Variants in FKBP5 observed in about 807,000 individuals in gnomAD.
FKBP5 encodes FKBP prolyl isomerase 5.
FKBP5 carries 23 observed loss-of-function variants against 50.5 expected under a neutral mutation model. That is an observed-to-expected ratio of 0.46 (90% confidence interval 0.33 to 0.65). FKBP5 has a LOEUF of 0.65. FKBP5 is among the 30% of genes least tolerant of loss of function. The pLI, the probability that FKBP5 is intolerant of heterozygous loss-of-function variation, is 0.02. For synonymous variants in FKBP5, 176 were observed against 190.6 expected (o/e 0.92, Z 0.63); for missense variants, 411 against 553.1 (o/e 0.74, Z 2.58).
At chr6:35,696,957 A>G (rs1766090891) in intron 2 of FKBP5, among the ~76,000 whole-genome samples, 1 of 152,188 alleles carries the variant, frequency 6.6e-6, no homozygotes, top group African/African-American at 2.4e-5. Context: ...GAATATGGAG[A>G]AACTGGAATT....
intron 2 of FKBP5, among the ~76,000 whole-genome samples, chr6:35,638,957 CA>C (rs1764401794): frequency 4.6e-5 from 7 of 152,050 alleles, no homozygotes; most frequent in Admixed American, 3.3e-4. Flanking sequence ...ACCAGAGAGT[CA>C]GAGAGCCATC....
In FKBP5 at chr6:35,575,269, C is replaced by T. The variant is rs1762176918; in HGVS notation, c.*566G>A. 6.5e-6 allele frequency: 1 copy of T among 152,676 alleles called. No homozygotes were observed. Among genetic ancestry groups the T allele is most frequent in the African/African-American group, 2.4e-5 (1 of 41,422 alleles). The allele number at this position is 152,676 out of a possible 1,614,324, so 9.5% of individuals were successfully genotyped here. On this transcript the variant is annotated 3_prime_UTR_variant, in exon 11 of 11. Transcript: ENST00000357266. ...AAGTGGCCTCTGAGGTTCTGGCTTT[C>T]ACGTCTGTGACACTGCTGTGGAACT...
At chr6:35,650,295 T>C (rs1368514529) in intron 1 of FKBP5, among the ~76,000 whole-genome samples, 2 of 114,030 alleles carry the variant, frequency 1.8e-5, no homozygotes, top group African/African-American at 6.4e-5. Flanking sequence ...AGCAAGATAT[T>C]GTCCAAAAAA....
At chr6:35,726,536 CCACACACACACACACACACACA>C (rs10599241) in intron 1 of FKBP5, among the ~76,000 whole-genome samples, 139 of 139,446 alleles carry the variant, frequency 1.0e-3, no homozygotes, top group African/African-American at 3.3e-3. Flanking sequence ...TCCTCCTCCT[CCACACACACACACACACACACA>C]CACACACACA....
At chr6:35,702,201 C>T (rs1440114759) in intron 2 of FKBP5, among the ~76,000 whole-genome samples, 2 of 151,926 alleles carry the variant, frequency 1.3e-5, no homozygotes, top group African/African-American at 2.4e-5. Flanking sequence ...CCTACATTTT[C>T]CTCTATCTTG....
chr6:35,602,109 C>T (rs1581802991), intron 5 of FKBP5, among the ~76,000 whole-genome samples: 2 of 151,962 alleles, frequency 1.3e-5, no homozygotes, highest in South Asian at 4.1e-4. Flanking sequence ...ATGTGGCTGG[C>T]ACATGAACTC....
chr6:35,649,774 A>AT (rs1405726556), intron 1 of FKBP5, among the ~76,000 whole-genome samples: 1 of 152,232 alleles, frequency 6.6e-6, no homozygotes, highest in African/African-American at 2.4e-5. Context: ...TCAAGGGAAG[A>AT]TGAAAAAGTC....
At chr6:35,617,606 T>C (rs1467013663) in intron 5 of FKBP5, among the ~76,000 whole-genome samples, 1 of 152,224 alleles carries the variant, frequency 6.6e-6, no homozygotes, top group African/African-American at 2.4e-5. Flanking sequence ...TTCTCACAAC[T>C]CTCTTTTGAA....
At chr6:35,677,118 GGCTGGAGTGCAGTGGC>G (rs1302289439) in intron 1 of FKBP5, among the ~76,000 whole-genome samples, 2 of 152,218 alleles carry the variant, frequency 1.3e-5, no homozygotes, top group Non-Finnish European at 2.9e-5. Flanking sequence ...CTGTCGCCCA[GGCTGGAGTGCAGTGGC>G]GCAATCTCGG....
intron 6 of FKBP5, among the ~76,000 whole-genome samples, chr6:35,592,775 T>G (rs1029779369): frequency 2.6e-4 from 39 of 152,178 alleles, no homozygotes; most frequent in African/African-American, 9.2e-4. Context: ...CTAGAAATAT[T>G]ATGGGTTGTC....
intron 5 of FKBP5, among the ~76,000 whole-genome samples, chr6:35,598,795 A>G (rs1581800016): frequency 6.6e-6 from 1 of 151,644 alleles, no homozygotes; most frequent in East Asian, 2.0e-4. Flanking sequence ...ACATGGCAAA[A>G]CCCCATCTTT....
intron 1 of FKBP5, among the ~76,000 whole-genome samples, chr6:35,673,970 C>A (rs1204516500): frequency 6.6e-6 from 1 of 152,146 alleles, no homozygotes; most frequent in African/African-American, 2.4e-5. Context: ...TTCCTCTGAA[C>A]CTCAATTTCC....
At position 35,634,733 on chromosome 6, in the gene FKBP5, A is replaced by G. The variant is rs76861716; in HGVS notation, c.250+2281T>C. The stretch of plus-strand genomic sequence containing the variant: ...GGAATACTTCTTTTTTCCCTAATCT[A>G]GGAACAAACTACAGTTGCTTGTCTG... On this transcript the variant is annotated intron_variant, in intron 3 of 10. Coordinates refer to ENST00000357266, the MANE Select transcript of FKBP5 (RefSeq NM_004117.4). Among the ~76,000 whole-genome samples, 1,099 of 152,306 alleles carry G rather than the reference A, an allele frequency of 7.2e-3. 11 individuals carry two copies. Among genetic ancestry groups the G allele is most frequent in the African/African-American group, 0.023 (948 of 41,568 alleles).
At chr6:35,671,354 A>C (rs1389110842) in intron 1 of FKBP5, among the ~76,000 whole-genome samples, 1 of 151,972 alleles carries the variant, frequency 6.6e-6, no homozygotes, top group Non-Finnish European at 1.5e-5. Flanking sequence ...ATCTTAAAAA[A>C]TATATCATGA....
intron 9 of FKBP5, among the ~76,000 whole-genome samples, chr6:35,578,255 A>G (rs570225071): frequency 6.6e-4 from 100 of 152,108 alleles, no homozygotes; most frequent in African/African-American, 2.4e-3. Context: ...GCTCAATCAC[A>G]GCTCACTGCA....
At chr6:35,613,065 C>T (rs959349300) in intron 5 of FKBP5, among the ~76,000 whole-genome samples, 1 of 152,134 alleles carries the variant, frequency 6.6e-6, no homozygotes, top group African/African-American at 2.4e-5. Flanking sequence ...TCTATCTGTC[C>T]CCTCCTCCAT....
chr6:35,681,238 A>G (rs1207737274), intron 1 of FKBP5, among the ~76,000 whole-genome samples: 4 of 152,236 alleles, frequency 2.6e-5, no homozygotes, highest in African/African-American at 4.8e-5. Context: ...GTAAATGTAT[A>G]TAACAATTGG....
intron 1 of FKBP5, among the ~76,000 whole-genome samples, chr6:35,675,997 A>G (rs1765514262): frequency 6.6e-6 from 1 of 152,222 alleles, no homozygotes; most frequent in Non-Finnish European, 1.5e-5. Flanking sequence ...AATTTAAATC[A>G]GTAATAGCTT....
chr6:35,616,130 A>G (rs1763648214), intron 5 of FKBP5, among the ~76,000 whole-genome samples: 1 of 152,076 alleles, frequency 6.6e-6, no homozygotes, highest in Admixed American at 6.6e-5. Context: ...CCTGACCAAC[A>G]TGTTAGAAAC....
Sources: gnomAD v4.1 joint callset for allele counts (sites outside exome capture counted in the v4.1 genomes callset) on GRCh38, gnomAD v4.1.1 for gene constraint, MANE v1.5 for transcripts, NCBI Gene and HGNC (gene_info 2026-07-23, HGNC 2026-07-21) for gene names.